Variants in SSBP3 observed in about 807,000 individuals in gnomAD.
SSBP3 encodes single-stranded DNA-binding protein 3.
In SSBP3, 5 loss-of-function variants were observed where a neutral mutation model predicts 69.6. The ratio of observed to expected loss-of-function variants is 0.07; its 90% CI spans 0.04 to 0.15. SSBP3 has a LOEUF of 0.15. Ranked by LOEUF, SSBP3 falls within the 10% of genes least tolerant of loss-of-function variation. The pLI is 1.00. For synonymous variants in SSBP3, 196 were observed against 193.4 expected, an observed-to-expected ratio of 1.01 and a Z score of -0.11; for missense variants, 312 against 534.0, an observed-to-expected ratio of 0.58 and a Z score of 4.10.
At chr1:54,235,478 T>C (rs138064193) in intron 14 of SSBP3, among the ~76,000 whole-genome samples, 8,264 of 121,358 alleles carry the variant, frequency 0.068, 349 homozygotes, top group Admixed American at 0.14. Flanking sequence ...TTTTTTGAGA[T>C]GGAGTCTCAC....
intron 4 of SSBP3, among the ~76,000 whole-genome samples, chr1:54,301,578 T>C (rs891201282): frequency 6.6e-6 from 1 of 152,146 alleles, no homozygotes; most frequent in Non-Finnish European, 1.5e-5. Flanking sequence ...GCGGGGACCC[T>C]CGCGGCTCCT....
At chr1:54,356,822 C>T (rs1417572421) in intron 4 of SSBP3, 1 of 152,338 alleles carries the variant, frequency 6.6e-6, no homozygotes, top group African/African-American at 2.4e-5. Flanking sequence ...AGGAAGTCTT[C>T]CTCCACCCGC....
At chr1:54,324,743 T>C (rs983231563) in intron 4 of SSBP3, among the ~76,000 whole-genome samples, 1 of 152,360 alleles carries the variant, frequency 6.6e-6, no homozygotes, top group East Asian at 1.9e-4. Flanking sequence ...TTGAAATTTT[T>C]TGAAAAGTTC....
chr1:54,404,034 A>ACCCC (rs940795773), intron 3 of SSBP3, among the ~76,000 whole-genome samples: 4 of 139,416 alleles, frequency 2.9e-5, no homozygotes, highest in Non-Finnish European at 6.3e-5. Context: ...GGGGGCGGGG[A>ACCCC]GCTCCCAGAG....
intron 4 of SSBP3, among the ~76,000 whole-genome samples, chr1:54,366,722 T>C (rs1316122611): frequency 2.0e-5 from 3 of 152,232 alleles, no homozygotes. Flanking sequence ...ACAAAAGAAG[T>C]ACTTAGGTAT....
chr1:54,306,513 C>G (rs1645904204), intron 4 of SSBP3, among the ~76,000 whole-genome samples: 1 of 152,224 alleles, frequency 6.6e-6, no homozygotes, highest in African/African-American at 2.4e-5. Flanking sequence ...CTCGGTCATC[C>G]CTTGGCTGAG....
chr1:54,245,104 C>G (rs930630597), intron 9 of SSBP3, among the ~76,000 whole-genome samples: 2 of 152,232 alleles, frequency 1.3e-5, no homozygotes, highest in Non-Finnish European at 2.9e-5. Flanking sequence ...GGGAGCCTGG[C>G]TGCAGCTTAA....
At chr1:54,263,355 C>T (rs1358670778) in intron 5 of SSBP3, among the ~76,000 whole-genome samples, 11 of 152,184 alleles carry the variant, frequency 7.2e-5, no homozygotes, top group Admixed American at 2.6e-4. Flanking sequence ...TGACAGGAAG[C>T]GCCCACATTA....
intron 4 of SSBP3, among the ~76,000 whole-genome samples, chr1:54,356,118 G>A (rs1484258887): frequency 6.6e-6 from 1 of 152,174 alleles, no homozygotes; most frequent in Non-Finnish European, 1.5e-5. Context: ...CTGTTGCTAC[G>A]GCAACCATAT....
At chr1:54,371,679 A>G (rs1647137269) in intron 4 of SSBP3, among the ~76,000 whole-genome samples, 1 of 152,218 alleles carries the variant, frequency 6.6e-6, no homozygotes, top group East Asian at 1.9e-4. Flanking sequence ...GAGAAGACAC[A>G]ATAATAAAAA....
At chr1:54,378,115 C>T (rs923022532) in intron 4 of SSBP3, among the ~76,000 whole-genome samples, 8 of 152,134 alleles carry the variant, frequency 5.3e-5, no homozygotes, top group African/African-American at 9.7e-5. Context: ...CAGATGCCCT[C>T]GGACCTCTGG....
At chr1:54,238,600 T>A in intron 14 of SSBP3, 1 of 329,420 alleles carries the variant, frequency 3.0e-6, no homozygotes. Flanking sequence ...TGGGGAAATG[T>A]GAGCTGCAAC....
At chr1:54,380,947 C>A (rs1365049546) in intron 4 of SSBP3, among the ~76,000 whole-genome samples, 4 of 151,700 alleles carry the variant, frequency 2.6e-5, no homozygotes, top group African/African-American at 9.7e-5. Flanking sequence ...CACAGCAAGA[C>A]CCCCTCTACA....
intron 7 of SSBP3, among the ~76,000 whole-genome samples, chr1:54,256,668 C>T (rs1644926644): frequency 6.6e-6 from 1 of 152,196 alleles, no homozygotes; most frequent in East Asian, 1.9e-4. Flanking sequence ...TCTAAGCATT[C>T]CTACGGGCCA....
intron 4 of SSBP3, among the ~76,000 whole-genome samples, chr1:54,334,921 T>C (rs1646483480): frequency 6.6e-6 from 1 of 152,222 alleles, no homozygotes; most frequent in Non-Finnish European, 1.5e-5. Flanking sequence ...TTTACATTTA[T>C]GCCTATTAAA....
chr1:54,242,047 A>G (rs530570459), intron 11 of SSBP3, 117 bp downstream of exon 11: 7 of 1,198,348 alleles, frequency 5.8e-6, no homozygotes, highest in Non-Finnish European at 8.4e-6. Context: ...TAGAAGCATC[A>G]GGAGAGTCCT....
chr1:54,255,157 G>GT (rs1557465726), intron 7 of SSBP3, among the ~76,000 whole-genome samples: 3 of 135,998 alleles, frequency 2.2e-5, no homozygotes, highest in Non-Finnish European at 4.8e-5. Flanking sequence ...TTGCGGGGGG[G>GT]CGGGGGGGGG....
At position 54,258,652 on chromosome 1, in the gene SSBP3, T is replaced by C. The variant is rs1644964980; in HGVS notation, c.367-503A>G. Among the ~76,000 whole-genome samples the C allele has an allele frequency of 6.6e-6, 1 of 151,920 alleles. No individual in the cohort carries two copies. Among genetic ancestry groups the C allele is most frequent in the African/African-American group, 2.4e-5 (1 of 41,348 alleles). On this transcript the variant is annotated intron_variant, in intron 5 of 17. Coordinates refer to ENST00000610401, the Ensembl canonical transcript of SSBP3. This position sits in a 1 kb window ranked among gnomAD's most constrained non-coding sequence, Gnocchi z 4.5. ...TATGGGTGACTCGAGGCAGTACTGA[T>C]CAAGTGTCAGGGAGAGGCCCAGGCG...
chr1:54,250,606 C>T (rs930056944), intron 9 of SSBP3, among the ~76,000 whole-genome samples: 1 of 152,184 alleles, frequency 6.6e-6, no homozygotes, highest in African/African-American at 2.4e-5. Flanking sequence ...AGAGCCTGAA[C>T]ACCTGCACGC....
Sources: allele counts gnomAD v4.1 joint callset (sites outside exome capture counted in the v4.1 genomes callset), GRCh38; gene constraint gnomAD v4.1.1; non-coding constraint Gnocchi (gnomAD v3.1); transcripts MANE v1.5; gene names NCBI Gene and HGNC (gene_info 2026-07-23, HGNC 2026-07-21).